The following CD99L2 variants were observed in gnomAD, a reference collection of about 807,000 sequenced individuals.
CD99L2 encodes the protein CD99 molecule like 2.
CD99L2 carries 24 observed loss-of-function variants against 27.3 expected under a neutral mutation model. The ratio of observed to expected loss-of-function variants is 0.88; its 90% CI spans 0.64 to 1.24. CD99L2 has a LOEUF of 1.24. CD99L2 is among the 50% of genes most tolerant of loss of function. The pLI, the probability that CD99L2 is intolerant of heterozygous loss-of-function variation, is 0.00. For missense variants in CD99L2, 255 were observed against 221.6 expected (o/e 1.15, Z -0.96); for synonymous variants, 97 against 87.9 (o/e 1.10, Z -0.58).
chrX:150,806,824 G>A (rs1031901159), intron 4 of CD99L2, among the ~76,000 whole-genome samples: 6 of 110,768 alleles, frequency 5.4e-5, no homozygotes, highest in African/African-American at 9.9e-5. Context: ...CCTGGAGGCA[G>A]AGGTTGCTAT....
rs898008655 is a variant in CD99L2, at chrX:150,771,928, C to T, written c.656-1559G>A. Reference sequence around the variant, plus strand: ...GCAAAGGCAAGGGAAGCCAAGGGTCCCCAGCATGGGCCTTTTGGCAGCAGC... The same window carrying T: ...GCAAAGGCAAGGGAAGCCAAGGGTCTCCAGCATGGGCCTTTTGGCAGCAGC... On this transcript the variant is annotated intron_variant, in intron 9 of 10. Coordinates refer to ENST00000370377, the MANE Select transcript of CD99L2 (RefSeq NM_031462.4). 6.6e-5 allele frequency: 60 copies of T among 909,121 alleles called. No homozygotes were observed. In the African/African-American group the frequency reaches 1.1e-3, roughly 16 times the overall value. The allele number at this position is 909,121 out of a possible 1,213,427, so 74.9% of individuals were successfully genotyped here. A position where few individuals can be genotyped will look rare whatever the true frequency, so the allele number is the denominator to read the frequency against.
At chrX:150,830,237 A>C (rs1341970756) in intron 2 of CD99L2, among the ~76,000 whole-genome samples, 1 of 111,546 alleles carries the variant, frequency 9.0e-6, no homozygotes, top group East Asian at 2.8e-4. Flanking sequence ...GCATTTGAGA[A>C]ACTACACAGA....
In CD99L2 at chrX:150,767,833, GC is replaced by G. The variant is rs2148699261; in HGVS notation, c.*1200del. ...CCTAGCATGTGGTTCTGTCCCGTGA[GC>G]CTCTGACAACAGAGCTCACCGGGAC... On this transcript the variant is annotated 3_prime_UTR_variant, in exon 11 of 11. Transcript: ENST00000370377. 1 of 111,456 alleles carries G rather than the reference GC, an allele frequency of 9.0e-6. No homozygotes were observed. Among genetic ancestry groups the G allele is most frequent in the East Asian group, 2.9e-4 (1 of 3,486 alleles). 9.2% of individuals were successfully genotyped at this position (111,456 alleles called of 1,213,427 possible).
chrX:150,777,844 T>C (rs1344235367), intron 7 of CD99L2, among the ~76,000 whole-genome samples: 1 of 112,122 alleles, frequency 8.9e-6, no homozygotes, highest in African/African-American at 3.2e-5. Context: ...TGGGGTGCTG[T>C]GCCGGGACAG....
At chrX:150,862,821 A>C in intron 1 of CD99L2, among the ~76,000 whole-genome samples, 1 of 108,526 alleles carries the variant, frequency 9.2e-6, no homozygotes, top group Non-Finnish European at 1.9e-5. Flanking sequence ...CGAAAGAAAG[A>C]AGGAAAGAAA....
At chrX:150,833,267 A>G (rs2046472526) in intron 1 of CD99L2, among the ~76,000 whole-genome samples, 1 of 111,492 alleles carries the variant, frequency 9.0e-6, no homozygotes, top group Non-Finnish European at 1.9e-5. Context: ...AAAGACCCGT[A>G]CCTCCTAACC....
intron 9 of CD99L2, among the ~76,000 whole-genome samples, chrX:150,770,915 A>G (rs1383970881): frequency 1.8e-5 from 2 of 112,661 alleles, no homozygotes; most frequent in Non-Finnish European, 3.8e-5. Flanking sequence ...CGCTGTGTCC[A>G]CCTGAGCTTG....
At chrX:150,879,386 T>C (rs1320580655) in intron 1 of CD99L2, among the ~76,000 whole-genome samples, 2 of 111,733 alleles carry the variant, frequency 1.8e-5, no homozygotes, top group East Asian at 2.8e-4. Context: ...ATTGAAAACA[T>C]AGAGCAGAAG....
chrX:150,803,162 G>A (rs782150854), intron 4 of CD99L2, among the ~76,000 whole-genome samples: 2 of 111,166 alleles, frequency 1.8e-5, no homozygotes, highest in African/African-American at 6.5e-5. Context: ...CCAAAGTGCT[G>A]GGATTACGGG....
chrX:150,873,367 C>T (rs1006120462), intron 1 of CD99L2, among the ~76,000 whole-genome samples: 8 of 111,845 alleles, frequency 7.2e-5, no homozygotes, highest in African/African-American at 2.6e-4. Flanking sequence ...TAGGCAAATC[C>T]ATACAGACTA....
At chrX:150,770,065 G>A (rs1557418968) in intron 10 of CD99L2, among the ~76,000 whole-genome samples, 1 of 113,056 alleles carries the variant, frequency 8.8e-6, no homozygotes, top group Non-Finnish European at 1.9e-5. Flanking sequence ...AAGGGCAGGG[G>A]CCGAGCAGCC....
intron 10 of CD99L2, among the ~76,000 whole-genome samples, chrX:150,769,756 T>C (rs782337248): frequency 9.3e-6 from 1 of 106,961 alleles, no homozygotes; most frequent in Non-Finnish European, 1.9e-5. Context: ...TGGGCACAGG[T>C]CATATCTGCC....
intron 2 of CD99L2, chrX:150,818,748 C>A (rs998141538): frequency 4.4e-6 from 1 of 225,028 alleles, no homozygotes; most frequent in Non-Finnish European, 8.9e-6. Flanking sequence ...CCATCGTCAA[C>A]CCCGGTCCAG....
chrX:150,898,417 C>T, intron 1 of CD99L2, 105 bp downstream of exon 1: 1 of 645,466 alleles, frequency 1.5e-6, no homozygotes, highest in Non-Finnish European at 2.0e-6. Flanking sequence ...TGGCAGCCAC[C>T]GCAGGCCCGA....
At chrX:150,875,570 C>T (rs2047215830) in intron 1 of CD99L2, among the ~76,000 whole-genome samples, 1 of 111,920 alleles carries the variant, frequency 8.9e-6, no homozygotes, top group African/African-American at 3.3e-5. Flanking sequence ...ACTCTGTTCT[C>T]CATCTCTATA....
At chrX:150,817,294 T>G (rs112585452) in intron 2 of CD99L2, among the ~76,000 whole-genome samples, 20,606 of 109,626 alleles carry the variant, frequency 0.19, 1,501 homozygotes, top group African/African-American at 0.26. Context: ...GTCCCTTAAG[T>G]TGTATTATAT....
intron 1 of CD99L2, among the ~76,000 whole-genome samples, chrX:150,877,121 T>TA (rs782764443): frequency 0.15 from 9,549 of 63,965 alleles, 844 homozygotes; most frequent in African/African-American, 0.36. Flanking sequence ...TGTCTCTTAA[T>TA]AAAAAAAAAA....
intron 1 of CD99L2, among the ~76,000 whole-genome samples, chrX:150,867,670 G>A (rs782279202): frequency 3.6e-5 from 4 of 110,198 alleles, no homozygotes. Flanking sequence ...GAGACGGGGG[G>A]ATCACAAGGT....
rs1369743842 is a variant in CD99L2, at chrX:150,814,877, C to T, written c.262G>A (p.Gly88Ser). Residue 88 changes from glycine to serine, a missense_variant, in exon 4 of 11, where the codon GGT (glycine) becomes AGT (serine). Gly to Ser is a moderately conservative substitution (Grantham distance 56, BLOSUM62 0). Coordinates refer to ENST00000370377, the MANE Select transcript of CD99L2 (RefSeq NM_031462.4). ...DDQDDGRRKP[G>S]IGGRERWNHV... ...AAAGACTTACCTCTTCCTCCTATAC[C>T]CGGTTTCCTGCGGCCATCATCTTGA... 4.1e-6 allele frequency: 5 copies of T among 1,208,201 alleles called. No homozygotes were observed. Among genetic ancestry groups the T allele is most frequent in the Non-Finnish European group, 5.6e-6 (5 of 893,933 alleles).
Sources: gnomAD v4.1 joint callset for allele counts (sites outside exome capture counted in the v4.1 genomes callset) on GRCh38, gnomAD v4.1.1 for gene constraint, MANE v1.5 for transcripts, NCBI Gene and HGNC (gene_info 2026-07-23, HGNC 2026-07-21) for gene names.